Variants in RBL1 observed in about 807,000 individuals in gnomAD.
RBL1 encodes the protein retinoblastoma-like protein 1.
A neutral mutation model predicts 123.0 loss-of-function variants in RBL1; 82 were observed. The ratio of observed to expected loss-of-function variants is 0.67; its 90% confidence interval spans 0.56 to 0.80. The LOEUF (loss-of-function observed/expected upper bound fraction) is 0.80. Ranked by LOEUF, RBL1 falls within the 30% of genes least tolerant of loss-of-function variation. The probability of loss-of-function intolerance (pLI) is 0.00; values close to 1 mark genes in which losing one functional copy is unlikely to be tolerated. For synonymous variants in RBL1, 405 were observed against 441.3 expected, an observed-to-expected ratio of 0.92 and a Z score of 1.03; for missense variants, 1,171 against 1,299.6, an observed-to-expected ratio of 0.90 and a Z score of 1.52.
rs748279654 is a variant in RBL1, at chr20:37,061,073, C to G, written c.1250+30G>C. On this transcript the variant is annotated intron_variant, in intron 9 of 21. Coordinates refer to ENST00000373664, the MANE Select transcript of RBL1 (RefSeq NM_002895.5). The stretch of plus-strand genomic sequence containing the variant: ...AACAAGAAATCTAATTTTAAAAAGA[C>G]ATTTGGAAAAATAACAGTATTGTAC... 12 of 1,489,806 alleles carry G rather than the reference C, an allele frequency of 8.1e-6. No homozygotes were observed. In the African/African-American group the frequency reaches 1.7e-4, roughly 21 times the overall value. 92.3% of individuals were successfully genotyped at this position (1,489,806 alleles called of 1,614,324 possible). A position where few individuals can be genotyped will look rare whatever the true frequency, so the allele number is the denominator to read the frequency against.
chr20:37,089,003 A>C lies in RBL1; in HGVS notation c.276T>G (p.Arg92=), dbSNP rs913038957. The C allele has an allele frequency of 2.5e-6, 4 of 1,598,046 alleles. No individual in the cohort carries two copies. The Admixed American group carries it at 6.9e-5, about 28-fold the overall frequency. ...GNCVSLTRIL[R]SAKLSLIQFF... ...AAGAGGTTTACCTTAATTTAGCTGA[A>C]CGTAGTATTCTGGTAAGTGAAACAC... The change falls in exon 2 of 22, where the codon CGT becomes CGG. Residue 92 remains arginine (R), a synonymous_variant. Transcript: ENST00000373664.
At chr20:37,090,956 G>A (rs925451504) in intron 1 of RBL1, among the ~76,000 whole-genome samples, 4 of 152,158 alleles carry the variant, frequency 2.6e-5, no homozygotes, top group Non-Finnish European at 5.9e-5. Flanking sequence ...ACAAAAAGGT[G>A]ACATTTGGGA....
In RBL1 at chr20:37,003,220, G is replaced by A. The variant is rs928492144; in HGVS notation, c.3036+482C>T. Among the ~76,000 whole-genome samples the A allele has an allele frequency of 2.0e-5, 3 of 152,096 alleles. No individual in the cohort carries two copies. The East Asian group carries it at 5.8e-4, about 29-fold the overall frequency. Reference sequence around the variant, plus strand: ...ACATATCTGCTTGATAGTCCATGAAGTCTCTGAAAACAGCAATCATGTCCA... The same window carrying A: ...ACATATCTGCTTGATAGTCCATGAAATCTCTGAAAACAGCAATCATGTCCA... On this transcript the variant is annotated intron_variant, in intron 21 of 21. Coordinates refer to ENST00000373664, the MANE Select transcript of RBL1 (RefSeq NM_002895.5).
intron 13 of RBL1, among the ~76,000 whole-genome samples, chr20:37,043,154 G>A (rs2064759660): frequency 8.9e-6 from 1 of 112,144 alleles, no homozygotes; most frequent in African/African-American, 3.8e-5. Context: ...ACACACACAT[G>A]CGCGCGTGCA....
chr20:37,062,477 G>T (rs1410636626), intron 7 of RBL1, among the ~76,000 whole-genome samples: 5 of 151,936 alleles, frequency 3.3e-5, no homozygotes, highest in Non-Finnish European at 7.4e-5. Context: ...ACTTTCAAAA[G>T]TGAGAGACTA....
chr20:37,017,296 C>T (rs1447663443), intron 19 of RBL1, among the ~76,000 whole-genome samples: 1 of 151,654 alleles, frequency 6.6e-6, no homozygotes, highest in Non-Finnish European at 1.5e-5. Flanking sequence ...TTGATTGAGC[C>T]TGGGATGTCC....
chr20:37,000,913 C>A (rs541958162), intron 21 of RBL1, among the ~76,000 whole-genome samples: 1 of 134,446 alleles, frequency 7.4e-6, no homozygotes, highest in Non-Finnish European at 1.6e-5. Context: ...GTCAGCCCCC[C>A]GCCCGGCCAG....
At chr20:37,028,313 C>T (rs984483669) in intron 16 of RBL1, among the ~76,000 whole-genome samples, 2 of 152,102 alleles carry the variant, frequency 1.3e-5, no homozygotes, top group East Asian at 1.9e-4. Context: ...TGTAGTGAGC[C>T]GAGATCACGC....
intron 2 of RBL1, among the ~76,000 whole-genome samples, chr20:37,087,367 T>G (rs2065565417): frequency 6.6e-6 from 1 of 151,874 alleles, no homozygotes; most frequent in African/African-American, 2.4e-5. Context: ...GAGGACCACT[T>G]AAGGTCAGGA....
rs2064584871 is a variant in RBL1, at chr20:37,035,158, A to G, written c.2170+84T>C. The G allele has an allele frequency of 3.0e-6, 4 of 1,327,838 alleles. No homozygotes were observed. In the African/African-American group the frequency reaches 4.5e-5, roughly 15 times the overall value. 82.3% of individuals were successfully genotyped at this position (1,327,838 alleles called of 1,614,324 possible). Reference sequence around the variant, plus strand: ...GGTTCAAGAAAAAATAATGAGTTAGAAAAACCATGTGATCTAATCCACTAA... The same window carrying G: ...GGTTCAAGAAAAAATAATGAGTTAGGAAAACCATGTGATCTAATCCACTAA... On this transcript the variant is annotated intron_variant, in intron 15 of 21. Transcript: ENST00000373664.
At chr20:37,002,336 GTTTTTTTTTTT>G (rs965408801) in intron 21 of RBL1, among the ~76,000 whole-genome samples, 10 of 76,350 alleles carry the variant, frequency 1.3e-4, no homozygotes, top group East Asian at 6.9e-4. Context: ...AGCCTTATCT[GTTTTTTTTTTT>G]TTTTTTTTTT....
chr20:37,031,459 A>C (rs900308363), intron 16 of RBL1, among the ~76,000 whole-genome samples: 1 of 152,232 alleles, frequency 6.6e-6, no homozygotes, highest in African/African-American at 2.4e-5. Context: ...CAATATTACT[A>C]ATCATTAGGG....
rs774226379 is a variant in RBL1, at chr20:37,066,832, G to GGGT, written c.735_737dup (p.Pro246dup). On this transcript the variant is annotated inframe_insertion, in exon 6 of 22. Transcript: ENST00000373664. The stretch of plus-strand genomic sequence containing the variant: ...GTTCACACAGTACAGCAATGATGCA[G>GGGT]GGTGGCTCTTCAGAAGCCGTAAAGT... The GGGT allele has an allele frequency of 6.2e-7, 1 of 1,613,628 alleles. No homozygotes were observed. Among genetic ancestry groups the GGGT allele is most frequent in the Non-Finnish European group, 8.5e-7 (1 of 1,179,670 alleles).
At chr20:37,017,170 C>T (rs2064269853) in intron 19 of RBL1, among the ~76,000 whole-genome samples, 1 of 151,620 alleles carries the variant, frequency 6.6e-6, no homozygotes, top group Non-Finnish European at 1.5e-5. Flanking sequence ...CTCACGATTT[C>T]GAGACCAGCC....
At chr20:37,007,027 G>A (rs936397845) in intron 20 of RBL1, among the ~76,000 whole-genome samples, 4 of 150,568 alleles carry the variant, frequency 2.7e-5, no homozygotes, top group African/African-American at 9.8e-5. Flanking sequence ...TGGGTAGATT[G>A]CTTGAGTCCA....
At position 37,066,705 on chromosome 20, in the gene RBL1, C is replaced by G; in HGVS notation, c.846+19G>C. The G allele has an allele frequency of 6.3e-7, 1 of 1,591,522 alleles. No individual in the cohort carries two copies. Among genetic ancestry groups the G allele is most frequent in the South Asian group, 1.1e-5 (1 of 88,416 alleles). The stretch of plus-strand genomic sequence containing the variant: ...GGTGATCTGTAAACATCTCAGTCAT[C>G]TAATTATAAGTACAGTACCTTCCTG... On this transcript the variant is annotated intron_variant, in intron 6 of 21. Transcript: ENST00000373664.
chr20:37,035,842 T>C (rs1186217699), intron 14 of RBL1, among the ~76,000 whole-genome samples: 1 of 152,202 alleles, frequency 6.6e-6, no homozygotes, highest in Non-Finnish European at 1.5e-5. Flanking sequence ...CTCCCAATCT[T>C]ACCTAGTAGA....
At position 37,065,466 on chromosome 20, in the gene RBL1, T is replaced by C; in HGVS notation, c.854A>G (p.Lys285Arg). The change falls in exon 7 of 22, where the codon AAA becomes AGA. Residue 285 changes from lysine to arginine, a missense_variant. Coordinates refer to ENST00000373664, the MANE Select transcript of RBL1 (RefSeq NM_002895.5). ...ISKLFDRKIL[K>R]GECLLDLSSF... ...TGAAAGGTCCAGGAGGCATTCTCCT[T>C]TTAATATCTGTGAACAAAAAATTAT... The C allele has an allele frequency of 6.3e-7, 1 of 1,595,590 alleles. No individual in the cohort carries two copies. The highest frequency in any genetic ancestry group is 8.6e-7 in the Non-Finnish European group (1 of 1,167,430).
At chr20:37,026,818 C>T (rs111666246) in intron 16 of RBL1, among the ~76,000 whole-genome samples, 57 of 150,180 alleles carry the variant, frequency 3.8e-4, no homozygotes, top group Admixed American at 6.7e-4. Context: ...TTCTGGCCAA[C>T]GTGGTGAAAC....
Sources: gnomAD v4.1 joint callset for allele counts (sites outside exome capture counted in the v4.1 genomes callset) on GRCh38, gnomAD v4.1.1 for gene constraint, MANE v1.5 for transcripts, NCBI Gene and HGNC (gene_info 2026-07-23, HGNC 2026-07-21) for gene names.